The following HEBP1 variants were observed in gnomAD, a reference collection of about 807,000 sequenced individuals.
HEBP1 encodes the protein heme binding protein 1.
In HEBP1, 13 loss-of-function variants were observed where a neutral mutation model predicts 20.4. That is an observed-to-expected ratio of 0.64 (90% CI 0.42 to 1.01). HEBP1 has a LOEUF of 1.01. Among genes scored for constraint, HEBP1 ranks in the 50% least tolerant of loss-of-function variants. The pLI, the probability that HEBP1 is intolerant of heterozygous loss-of-function variation, is 0.00. For missense variants in HEBP1, 241 were observed against 247.3 expected (o/e 0.97, Z 0.17); for synonymous variants, 92 against 90.7 (o/e 1.01, Z -0.08).
At position 12,975,320 on chromosome 12, in the gene HEBP1, C is replaced by T. The variant is rs149205776; in HGVS notation, c.558G>A (p.Leu186=). 3 of 1,613,694 alleles carry T rather than the reference C, an allele frequency of 1.9e-6. No individual in the cohort carries two copies. The highest frequency in any genetic ancestry group is 2.7e-5 in the African/African-American group (2 of 74,898). The change falls in exon 4 of 4, where the codon CTG becomes CTA. Residue 186 remains leucine (L), a synonymous_variant. Transcript: ENST00000014930. The stretch of plus-strand genomic sequence containing the variant: ...TTCAGTGGGTCACTCATGTCTTCAA[C>T]AGCCAGATCTCATTGCGCCGTCCGT... The part of the protein sequence containing the change: ...KPYGRRNEIW[L]LKT
At chr12:12,985,850 A>G (rs958597923) in intron 3 of HEBP1, 1 of 152,194 alleles carries the variant, frequency 6.6e-6, no homozygotes, top group Non-Finnish European at 1.5e-5. Context: ...TCATTCTGCT[A>G]GTAAGCAGTA....
intron 2 of HEBP1, 117 bp from the exon 3 acceptor site, chr12:12,987,449 T>A: frequency 1.3e-6 from 1 of 746,034 alleles, no homozygotes; most frequent in African/African-American, 1.8e-5. Flanking sequence ...TTCTTGAAAT[T>A]AACAATGAAC....
Position 13,000,163 on chromosome 12 carries a change from GGCGACGGAGCACCACGGGCA to G in HEBP1, c.-69_-50del. ...GCACGGGAGGACGTGAGGTGGCGGG[GGCGACGGAGCACCACGGGCA>G]GCGACCACCGGCGGCAGGGCGGCAG... On this transcript the variant is annotated 5_prime_UTR_variant, in exon 1 of 4. Coordinates refer to ENST00000014930, the MANE Select transcript of HEBP1 (RefSeq NM_015987.5). 7.1e-7 allele frequency: 1 copy of G among 1,417,664 alleles called. No individual in the cohort carries two copies. Among genetic ancestry groups the G allele is most frequent in the Non-Finnish European group, 9.7e-7 (1 of 1,026,686 alleles). 87.8% of individuals were successfully genotyped at this position (1,417,664 alleles called of 1,614,324 possible).
chr12:12,984,669 G>C (rs574111820), intron 3 of HEBP1: 1 of 152,350 alleles, frequency 6.6e-6, no homozygotes, highest in African/African-American at 2.4e-5. Context: ...GTGTGCAACT[G>C]TAGTACCAGC....
intron 3 of HEBP1, among the ~76,000 whole-genome samples, chr12:12,981,619 T>C (rs1444127416): frequency 1.3e-5 from 2 of 152,214 alleles, no homozygotes; most frequent in Non-Finnish European, 2.9e-5. Flanking sequence ...ATGGCATAAG[T>C]GTCACCCATC....
intron 3 of HEBP1, chr12:12,980,485 G>A (rs754601155): frequency 1.3e-5 from 2 of 152,246 alleles, no homozygotes; most frequent in African/African-American, 4.8e-5. Context: ...GTGATATTAA[G>A]CATTTATTGA....
chr12:12,976,375 G>A (rs560032522), intron 3 of HEBP1, among the ~76,000 whole-genome samples: 13 of 152,238 alleles, frequency 8.5e-5, no homozygotes, highest in African/African-American at 3.1e-4. Context: ...TCTCCCTTAC[G>A]TCATGTGCTT....
intron 3 of HEBP1, among the ~76,000 whole-genome samples, chr12:12,976,119 A>G (rs897933764): frequency 6.6e-6 from 1 of 151,922 alleles, no homozygotes; most frequent in Non-Finnish European, 1.5e-5. Context: ...AACCAAAACT[A>G]AAAAAGTAAA....
chr12:12,992,921 A>G (rs1175123288), intron 1 of HEBP1, among the ~76,000 whole-genome samples: 1 of 152,216 alleles, frequency 6.6e-6, no homozygotes, highest in Non-Finnish European at 1.5e-5. Flanking sequence ...AACCAGAGAG[A>G]CTAAGTTGCT....
chr12:12,989,640 A>G (rs1326129342), intron 1 of HEBP1, among the ~76,000 whole-genome samples: 1 of 152,240 alleles, frequency 6.6e-6, no homozygotes, highest in Non-Finnish European at 1.5e-5. Flanking sequence ...GGGAGATAAG[A>G]GAAGATATTG....
In HEBP1 at chr12:13,000,247, AAGGCGGCGGGAC is replaced by A; in HGVS notation, c.-145_-134del. On this transcript the variant is annotated 5_prime_UTR_variant, in exon 1 of 4. Transcript: ENST00000014930. ...CAGGGCGGCAGGGTGGCAGGGCGGC[AAGGCGGCGGGAC>A]GGCGAGGCGGCGAGGCGAGAGGCGG... The A allele has an allele frequency of 2.7e-6, 1 of 366,170 alleles. No individual in the cohort carries two copies. 22.7% of individuals were successfully genotyped at this position (366,170 alleles called of 1,614,324 possible).
In HEBP1 at chr12:13,000,082, T is replaced by A; in HGVS notation, c.33A>T (p.Gly11=). 6.2e-7 allele frequency: 1 copy of A among 1,612,596 alleles called. No homozygotes were observed. Among genetic ancestry groups the A allele is most frequent in the Non-Finnish European group, 8.5e-7 (1 of 1,179,232 alleles). MLGMIKNSLF[G]SVETWPWQVL... is the part of the protein sequence containing the mutation. ...CCTGCCAAGGCCACGTCTCTACGCT[T>A]CCGAACAGCGAGTTCTTGATCATGC... Residue 11 remains glycine, a synonymous_variant, in exon 1 of 4, where the codon GGA becomes GGT. Transcript: ENST00000014930.
At chr12:12,976,706 A>G (rs899958699) in intron 3 of HEBP1, among the ~76,000 whole-genome samples, 2 of 152,236 alleles carry the variant, frequency 1.3e-5, no homozygotes, top group Non-Finnish European at 2.9e-5. Flanking sequence ...ACAGCTACAG[A>G]ACATGGATGA....
intron 3 of HEBP1, among the ~76,000 whole-genome samples, chr12:12,977,736 CTA>C (rs1477124711): frequency 2.0e-5 from 3 of 152,254 alleles, no homozygotes; most frequent in Non-Finnish European, 2.9e-5. Flanking sequence ...AATCTTCTTC[CTA>C]TGTTTTACTT....
Position 12,986,359 on chromosome 12 carries a change from A to G in HEBP1, c.398+793T>C, listed in dbSNP as rs961560652. ...GTTTGGAGGTCCCTGAAGTGGACCAATACTCAGTCCAGTGCAATATTATAT... is the reference window on the plus strand; with the variant it reads ...GTTTGGAGGTCCCTGAAGTGGACCAGTACTCAGTCCAGTGCAATATTATAT... On this transcript the variant is annotated intron_variant, in intron 3 of 3. Transcript: ENST00000014930. The surrounding 1 kb of genome is among the most constrained non-coding windows in gnomAD (Gnocchi z 4.3). The G allele has an allele frequency of 1.3e-5, 2 of 152,258 alleles. No individual in the cohort carries two copies. The highest frequency in any genetic ancestry group is 4.8e-5 in the African/African-American group (2 of 41,450). The allele number at this position is 152,258 out of a possible 1,614,324, so 9.4% of individuals were successfully genotyped here. A position where few individuals can be genotyped will look rare whatever the true frequency, so the allele number is the denominator to read the frequency against.
rs143671735 is a variant in HEBP1, at chr12:12,992,975, C to T, written c.79-3560G>A. Among the ~76,000 whole-genome samples the T allele has an allele frequency of 8.8e-3, 1,346 of 152,266 alleles. 28 individuals carry two copies. Among genetic ancestry groups the T allele is most frequent in the African/African-American group, 0.03 (1,247 of 41,534 alleles). Reference sequence around the variant, plus strand: ...GAATGGTGAAACTGAAACAAAAATTCCAGTTCCCAAACTCTAGTCTACTCC... The same window carrying T: ...GAATGGTGAAACTGAAACAAAAATTTCAGTTCCCAAACTCTAGTCTACTCC... On this transcript the variant is annotated intron_variant, in intron 1 of 3. Coordinates refer to ENST00000014930, the MANE Select transcript of HEBP1 (RefSeq NM_015987.5).
intron 3 of HEBP1, among the ~76,000 whole-genome samples, chr12:12,976,080 A>C (rs1174860314): frequency 6.6e-5 from 4 of 60,846 alleles, no homozygotes; most frequent in Non-Finnish European, 2.0e-4. Context: ...CCTGTGTCAA[A>C]AAAAAAAAAA....
chr12:12,982,601 C>A (rs1864101217), intron 3 of HEBP1, among the ~76,000 whole-genome samples: 1 of 152,210 alleles, frequency 6.6e-6, no homozygotes, highest in Admixed American at 6.5e-5. Flanking sequence ...ATGACATCAG[C>A]AACCTAGGTG....
intron 1 of HEBP1, among the ~76,000 whole-genome samples, chr12:12,992,400 TG>T (rs1002226494): frequency 3.3e-5 from 5 of 152,144 alleles, no homozygotes; most frequent in African/African-American, 1.2e-4. Flanking sequence ...GATGGGGTTT[TG>T]CCACATTGGA....
Sources: gnomAD v4.1 joint callset for allele counts (sites outside exome capture counted in the v4.1 genomes callset) on GRCh38, gnomAD v4.1.1 for gene constraint, Gnocchi (gnomAD v3.1) non-coding constraint, MANE v1.5 for transcripts, NCBI Gene and HGNC (gene_info 2026-07-23, HGNC 2026-07-21) for gene names.